XKR6: variants seen among roughly 807,000 people sequenced by gnomAD.
The protein encoded by XKR6 is XK-related protein 6.
XKR6 carries 22 observed loss-of-function variants against 56.7 expected under a neutral mutation model. The observed-to-expected ratio is 0.39, with a 90% CI of 0.28 to 0.55. XKR6 has a LOEUF of 0.55. Ranked by LOEUF, XKR6 falls within the 20% of genes least tolerant of loss-of-function variation. The pLI is 0.66. For missense variants in XKR6, 852 were observed against 889.0 expected (o/e 0.96, Z 0.53); for synonymous variants, 524 against 387.8 (o/e 1.35, Z -4.13).
chr8:10,924,522 CA>C, intron 2 of XKR6, 111 bp downstream of exon 2: 1 of 1,331,504 alleles, frequency 7.5e-7, no homozygotes, highest in Non-Finnish European at 1.0e-6. Flanking sequence ...GGACTCAGGG[CA>C]GGATGGGCAA....
chr8:11,108,104 G>T, intron 1 of XKR6: 1 of 334,286 alleles, frequency 3.0e-6, no homozygotes, highest in South Asian at 2.3e-5. Context: ...CGAAAACAGA[G>T]ATTGGAAACA....
At chr8:10,918,516 G>T (rs576710390) in intron 2 of XKR6, among the ~76,000 whole-genome samples, 1 of 152,336 alleles carries the variant, frequency 6.6e-6, no homozygotes, top group East Asian at 1.9e-4. Flanking sequence ...GTCAGCAGTG[G>T]CTGGTTTCTG....
intron 1 of XKR6, among the ~76,000 whole-genome samples, chr8:10,973,504 C>T (rs905269221): frequency 8.5e-5 from 13 of 152,222 alleles, no homozygotes; most frequent in African/African-American, 1.9e-4. Context: ...ATTTTATCCC[C>T]GTTTTATACA....
intron 2 of XKR6, 109 bp from the exon 3 acceptor site, chr8:10,899,025 G>T: frequency 6.8e-7 from 1 of 1,462,216 alleles, no homozygotes; most frequent in Non-Finnish European, 9.1e-7. Flanking sequence ...TCTAAAGGAG[G>T]AGGGAGAAAG....
chr8:11,043,471 C>T (rs1283256116), intron 1 of XKR6, among the ~76,000 whole-genome samples: 1 of 152,218 alleles, frequency 6.6e-6, no homozygotes, highest in Admixed American at 6.5e-5. Context: ...TCTGGAAGTC[C>T]CTCCTTCACG....
chr8:10,967,047 G>A (rs185250201), intron 1 of XKR6, among the ~76,000 whole-genome samples: 9 of 152,256 alleles, frequency 5.9e-5, no homozygotes, highest in East Asian at 1.9e-4. Context: ...GGTTAGCAAC[G>A]CAGAGGCTGC....
At chr8:11,154,455 G>A (rs117389666) in intron 1 of XKR6, among the ~76,000 whole-genome samples, 2,415 of 152,316 alleles carry the variant, frequency 0.016, 23 homozygotes, top group Non-Finnish European at 0.024. Context: ...CTGCCCCATG[G>A]CTTCCTTTGG....
At chr8:11,081,381 T>A (rs1197639850) in intron 1 of XKR6, among the ~76,000 whole-genome samples, 1 of 152,212 alleles carries the variant, frequency 6.6e-6, no homozygotes. Context: ...TTGATTAAGG[T>A]CTTAGCACGG....
At chr8:11,038,373 A>T (rs1799198756) in intron 1 of XKR6, among the ~76,000 whole-genome samples, 1 of 152,210 alleles carries the variant, frequency 6.6e-6, no homozygotes, top group South Asian at 2.1e-4. Flanking sequence ...ACTCGAGGTC[A>T]CACAGGTATT....
In XKR6 at chr8:11,201,383, CGGG is replaced by C. The variant is rs553226221; in HGVS notation, c.-47_-45del. On this transcript the variant is annotated 5_prime_UTR_variant, in exon 1 of 3. Transcript: ENST00000416569. The stretch of plus-strand genomic sequence containing the variant: ...TCCGGAGGTTGGGGGGGAGGGACGG[CGGG>C]GGGGGGGGGAAGAAGGCAGGGAACG... The C allele has an allele frequency of 1.0e-3, 159 of 156,026 alleles. No individual in the cohort carries two copies. The highest frequency in any genetic ancestry group is 1.1e-3 in the East Asian group (2 of 1,754). The allele number at this position is 156,026 out of a possible 1,614,324, so 9.7% of individuals were successfully genotyped here.
rs1253071992 is a variant in XKR6 at position 10,896,776 on chromosome 8, TA to T, written c.*1175del. 3.1e-4 allele frequency: 46 copies of T among 146,982 alleles called. No individual in the cohort carries two copies. Among genetic ancestry groups the T allele is most frequent in the African/African-American group, 1.0e-3 (41 of 39,522 alleles). The allele number at this position is 146,982 out of a possible 1,614,324, so 9.1% of individuals were successfully genotyped here. On this transcript the variant is annotated 3_prime_UTR_variant, in exon 3 of 3. Transcript: ENST00000416569. ...TTCCTCTTTGTGTTATTTTTTTTTTTAAAAAAGCACAAATGAAAAATGAAGA... is the reference window on the plus strand; with the variant it reads ...TTCCTCTTTGTGTTATTTTTTTTTTTAAAAAGCACAAATGAAAAATGAAGA...
intron 1 of XKR6, among the ~76,000 whole-genome samples, chr8:11,019,002 G>A (rs1002409279): frequency 2.6e-5 from 4 of 152,106 alleles, no homozygotes; most frequent in African/African-American, 9.7e-5. Context: ...CTCAAGCTCA[G>A]CCTTCATCCT....
chr8:11,133,106 C>T (rs1190043081), intron 1 of XKR6, among the ~76,000 whole-genome samples: 1 of 152,012 alleles, frequency 6.6e-6, no homozygotes, highest in Admixed American at 6.5e-5. Flanking sequence ...ATATAGTTGG[C>T]TTTAAATACA....
intron 1 of XKR6, chr8:11,137,411 T>C (rs1340086908): frequency 1.1e-5 from 4 of 362,052 alleles, no homozygotes; most frequent in Admixed American, 3.7e-5. Flanking sequence ...CTAGCTAGAA[T>C]AGTGAGAAGA....
chr8:11,066,964 C>T (rs895139109), intron 1 of XKR6: 10 of 152,254 alleles, frequency 6.6e-5, no homozygotes, highest in African/African-American at 2.2e-4. Flanking sequence ...CCCACTGCAT[C>T]GTGCGAGATG....
chr8:10,944,272 G>A (rs1486365499), intron 1 of XKR6, among the ~76,000 whole-genome samples: 1 of 152,220 alleles, frequency 6.6e-6, no homozygotes, highest in Non-Finnish European at 1.5e-5. Flanking sequence ...GACAAGGGCA[G>A]CAGCTAAATT....
intron 1 of XKR6, among the ~76,000 whole-genome samples, chr8:11,145,396 C>A (rs892032106): frequency 1.4e-4 from 22 of 152,072 alleles, no homozygotes; most frequent in Admixed American, 1.0e-3. Flanking sequence ...AGAACCAGAA[C>A]AAAAGATGAA....
In XKR6 at chr8:11,200,866, G is replaced by A. The variant is rs1374328162; in HGVS notation, c.474C>T (p.Asp158=). The change falls in exon 1 of 3, where the codon GAC becomes GAT. Residue 158 remains aspartate, a synonymous_variant. Transcript: ENST00000416569. The surrounding 1 kb of genome is among the most constrained non-coding windows in gnomAD (Gnocchi z 6.4). The part of the protein sequence containing the change: ...WLALDYYRKG[D]YVYFGLTLFF... ...AGAGGGTCAGCCCGAAGTAGACGTA[G>A]TCCCCCTTGCGGTAGTAGTCGAGGG... 1 of 1,611,788 alleles carries A rather than the reference G, an allele frequency of 6.2e-7. No homozygotes were observed. Among genetic ancestry groups the A allele is most frequent in the East Asian group, 2.2e-5 (1 of 44,778 alleles).
In XKR6 at chr8:11,200,641, C is replaced by T; in HGVS notation, c.699G>A (p.Leu233=). 1.3e-6 allele frequency: 2 copies of T among 1,553,038 alleles called. No individual in the cohort carries two copies. The highest frequency in any genetic ancestry group is 2.4e-5 in the East Asian group (1 of 41,704). ...GCCAGATCCACACGGAGAGGCGACA[C>T]AGGCGCTGCGCCCCCGGCGTGGGGG... The part of the protein sequence containing the change: ...RVSPTPGAQR[L]CRLSVWIWQS... Residue 233 remains leucine (L), a synonymous_variant, in exon 1 of 3, where the codon CTG becomes CTA. Coordinates refer to ENST00000416569, the MANE Select transcript of XKR6 (RefSeq NM_173683.4). This position sits in a 1 kb window ranked among gnomAD's most constrained non-coding sequence, Gnocchi z 6.4.
Sources: allele counts gnomAD v4.1 joint callset (sites outside exome capture counted in the v4.1 genomes callset), GRCh38; gene constraint gnomAD v4.1.1; non-coding constraint Gnocchi (gnomAD v3.1); transcripts MANE v1.5; gene names NCBI Gene and HGNC (gene_info 2026-07-23, HGNC 2026-07-21).